The following API5 variants were observed in gnomAD, a reference collection of about 807,000 sequenced individuals.
API5 encodes the protein apoptosis inhibitor 5.
Under a neutral mutation model 71.9 loss-of-function variants are expected in API5, and 6 were observed. The ratio of observed to expected loss-of-function variants is 0.08; its 90% CI spans 0.05 to 0.16. The LOEUF (loss-of-function observed/expected upper bound fraction) is 0.16, where lower values mean the gene tolerates loss of function less well. Ranked by LOEUF, API5 falls within the 10% of genes least tolerant of loss-of-function variation. The pLI, the probability that API5 is intolerant of heterozygous loss-of-function variation, is 1.00. For synonymous variants in API5, 189 were observed against 221.3 expected (o/e 0.85, Z 1.30); for missense variants, 332 against 612.8 (o/e 0.54, Z 4.84).
intron 11 of API5, among the ~76,000 whole-genome samples, chr11:43,332,582 G>C (rs1017214466): frequency 2.8e-4 from 43 of 152,256 alleles, no homozygotes; most frequent in African/African-American, 1.0e-3. Context: ...GAAGAGTCCT[G>C]AGTGCAGGAG....
chr11:43,322,272 C>A, intron 5 of API5, 136 bp downstream of exon 5: 1 of 793,926 alleles, frequency 1.3e-6, no homozygotes, highest in Non-Finnish European at 1.8e-6. Flanking sequence ...CACCATAGAA[C>A]TTCTAAGTTT....
At chr11:43,329,884 C>A in intron 9 of API5, 81 bp from the exon 10 acceptor site, 1 of 1,125,800 alleles carries the variant, frequency 8.9e-7, no homozygotes, top group Non-Finnish European at 1.3e-6. Flanking sequence ...CACTTAGGAT[C>A]ATTTTGCTGT....
intron 6 of API5, among the ~76,000 whole-genome samples, chr11:43,324,051 C>G (rs770606514): frequency 6.6e-6 from 1 of 152,020 alleles, no homozygotes; most frequent in Non-Finnish European, 1.5e-5. Context: ...AGAGTCTTGC[C>G]CTGTCACTCA....
chr11:43,324,006 T>C (rs1385598242), intron 6 of API5, among the ~76,000 whole-genome samples: 3 of 152,144 alleles, frequency 2.0e-5, no homozygotes, highest in South Asian at 2.1e-4. Flanking sequence ...CAAGAAACTT[T>C]CTTGAAAGAA....
intron 2 of API5, 29 bp from the exon 3 acceptor site, chr11:43,320,792 G>C: frequency 6.6e-7 from 1 of 1,525,826 alleles, no homozygotes; most frequent in South Asian, 1.1e-5. Context: ...GATAGTATTT[G>C]GTTAATTTTT....
chr11:43,319,303 A>G lies in API5; in HGVS notation c.231+502A>G, dbSNP rs1854783535. On this transcript the variant is annotated intron_variant, in intron 2 of 13. Coordinates refer to ENST00000531273, the MANE Select transcript of API5 (RefSeq NM_001142930.2). ...TTGGGGGGTTTTTTGGAACAGAATT[A>G]ACCAGTAATATTTCTGGCTGCTGAC... is the stretch of plus-strand genomic sequence containing the variant. Among the ~76,000 whole-genome samples, 3 of 152,310 alleles carry G rather than the reference A, an allele frequency of 2.0e-5. No individual in the cohort carries two copies. In the South Asian group the frequency reaches 6.2e-4, roughly 32 times the overall value.
At position 43,323,460 on chromosome 11, in the gene API5, G is replaced by A; in HGVS notation, c.574G>A (p.Val192Ile). 1 of 1,614,056 alleles carries A rather than the reference G, an allele frequency of 6.2e-7. No individual in the cohort carries two copies. Among genetic ancestry groups the A allele is most frequent in the East Asian group, 2.2e-5 (1 of 44,874 alleles). The change falls in exon 6 of 14, where the codon GTT becomes ATT. Residue 192 changes from valine (V) to isoleucine (I), a missense_variant. By Grantham distance (29) the Val-to-Ile change is conservative. Coordinates refer to ENST00000531273, the MANE Select transcript of API5 (RefSeq NM_001142930.2). ...VLEDVTGEEF[V>I]LFMKILSGLK... ...AGAAGATGTGACTGGTGAAGAATTTGTTCTATTTATGAAGATACTGTCTGG... is the reference window on the plus strand; with the variant it reads ...AGAAGATGTGACTGGTGAAGAATTTATTCTATTTATGAAGATACTGTCTGG...
At chr11:43,331,334 G>A (rs1855249209) in intron 11 of API5, 1 of 153,480 alleles carries the variant, frequency 6.5e-6, no homozygotes, top group Admixed American at 6.5e-5. Context: ...CAACCCCCCT[G>A]CCAATGCTAA....
intron 1 of API5, 108 bp downstream of exon 1, chr11:43,312,304 C>A: frequency 8.1e-7 from 1 of 1,233,500 alleles, no homozygotes; most frequent in Non-Finnish European, 1.2e-6. Context: ...TTCATCCTCC[C>A]GGGGCCTCCT....
intron 11 of API5, among the ~76,000 whole-genome samples, chr11:43,334,286 AT>A (rs1855356440): frequency 6.6e-6 from 1 of 152,084 alleles, no homozygotes; most frequent in Non-Finnish European, 1.5e-5. Flanking sequence ...ACTATACGCC[AT>A]TTTCCTGTTG....
In API5 at chr11:43,328,707, CTT is replaced by C; in HGVS notation, c.946-4_946-3del. The C allele has an allele frequency of 1.9e-6, 3 of 1,612,492 alleles. No individual in the cohort carries two copies. Among genetic ancestry groups the C allele is most frequent in the Non-Finnish European group, 2.5e-6 (3 of 1,178,958 alleles). ...TTGCAAAATCTGTATATTTTTCTCT[CTT>C]AGGAATACATGCCCCTCCCTCCAGA... On this transcript the variant is annotated splice_region_variant and splice_polypyrimidine_tract_variant and intron_variant, in intron 8 of 13. Transcript: ENST00000531273.
At position 43,321,971 on chromosome 11, in the gene API5, A is replaced by G. The variant is rs781043058; in HGVS notation, c.392-14A>G. ...TAGAATTGACTTGCTACAGGCAACT[A>G]TTTTGTTTTGCAGGGACTTTAGGTG... On this transcript the variant is annotated splice_polypyrimidine_tract_variant and intron_variant, in intron 4 of 13. Transcript: ENST00000531273. The G allele has an allele frequency of 9.4e-6, 15 of 1,602,764 alleles. No homozygotes were observed. The highest frequency in any genetic ancestry group is 2.7e-5 in the African/African-American group (2 of 74,394).
chr11:43,341,881 G>A (rs1855628030), intron 13 of API5, among the ~76,000 whole-genome samples: 1 of 152,030 alleles, frequency 6.6e-6, no homozygotes, highest in Non-Finnish European at 1.5e-5. Context: ...TGTACGGGCT[G>A]GGCACAGTGG....
chr11:43,312,156 A>G lies in API5; in HGVS notation c.29A>G (p.Asn10Ser). 6.2e-7 allele frequency: 1 copy of G among 1,613,964 alleles called. No individual in the cohort carries two copies. The highest frequency in any genetic ancestry group is 8.5e-7 in the Non-Finnish European group (1 of 1,179,938). Reference sequence around the variant, plus strand: ...CCGACAGTAGAGGAGCTTTACCGCAATTATGGCATCCTGGCCGATGCCACG... The same window carrying G: ...CCGACAGTAGAGGAGCTTTACCGCAGTTATGGCATCCTGGCCGATGCCACG... MPTVEELYR[N>S]YGILADATEQ... The change falls in exon 1 of 14, where the codon AAT becomes AGT. Residue 10 changes from asparagine (N) to serine (S), a missense_variant. Physicochemically the swap from Asn to Ser is conservative, Grantham distance 46. Transcript: ENST00000531273.
intron 2 of API5, 96 bp downstream of exon 2, chr11:43,318,897 A>G: frequency 8.1e-7 from 1 of 1,237,242 alleles, no homozygotes; most frequent in Non-Finnish European, 1.1e-6. Flanking sequence ...AGAGTACACA[A>G]TAAAATACTA....
intron 13 of API5, among the ~76,000 whole-genome samples, chr11:43,338,096 C>G (rs1838557047): frequency 6.6e-6 from 1 of 152,104 alleles, no homozygotes; most frequent in African/African-American, 2.4e-5. Flanking sequence ...AGTAAACATG[C>G]AAAAGCAAAC....
intron 6 of API5, among the ~76,000 whole-genome samples, chr11:43,324,934 C>T (rs1349821719): frequency 6.6e-6 from 1 of 152,094 alleles, no homozygotes; most frequent in African/African-American, 2.4e-5. Flanking sequence ...CTGCCTCAGC[C>T]TCCCAAAGTG....
intron 13 of API5, 107 bp from the exon 14 acceptor site, chr11:43,342,321 C>T (rs1308540711): frequency 1.1e-6 from 1 of 891,378 alleles, no homozygotes; most frequent in East Asian, 2.4e-5. Flanking sequence ...TAGTTCTGTT[C>T]TTATAGGGCC....
chr11:43,316,681 C>T (rs564597505), intron 1 of API5, among the ~76,000 whole-genome samples: 2 of 152,000 alleles, frequency 1.3e-5, no homozygotes, highest in South Asian at 4.1e-4. Flanking sequence ...TGCAGTGGCG[C>T]GACCACAGCT....
Sources: allele counts gnomAD v4.1 joint callset (sites outside exome capture counted in the v4.1 genomes callset), GRCh38; gene constraint gnomAD v4.1.1; transcripts MANE v1.5; gene names NCBI Gene and HGNC (gene_info 2026-07-23, HGNC 2026-07-21).